Variants in ZSWIM5 observed in about 807,000 individuals in gnomAD.
ZSWIM5 encodes the protein zinc finger SWIM domain-containing protein 5.
A neutral mutation model predicts 119.6 loss-of-function variants in ZSWIM5; 55 were observed. That is an observed-to-expected ratio of 0.46 (90% CI 0.37 to 0.58). The LOEUF is 0.58. Among genes scored for constraint, ZSWIM5 ranks in the 20% least tolerant of loss-of-function variants. The probability of loss-of-function intolerance (pLI) is 0.00; values close to 1 mark genes in which losing one functional copy is unlikely to be tolerated. For missense variants in ZSWIM5, 1,193 were observed against 1,512.8 expected, an observed-to-expected ratio of 0.79 and a Z score of 3.51; for synonymous variants, 537 against 606.9, an observed-to-expected ratio of 0.88 and a Z score of 1.69.
chr1:45,157,496 A>G (rs1645833741), intron 1 of ZSWIM5, among the ~76,000 whole-genome samples: 1 of 152,156 alleles, frequency 6.6e-6, no homozygotes, highest in Non-Finnish European at 1.5e-5. Context: ...TTTGAGATAC[A>G]TTCATGTTCT....
chr1:45,105,620 C>A (rs1461787003), intron 1 of ZSWIM5, among the ~76,000 whole-genome samples: 1 of 141,572 alleles, frequency 7.1e-6, no homozygotes, highest in Non-Finnish European at 1.5e-5. Context: ...GTGAGGAGCG[C>A]CTCTGCCCGG....
At chr1:45,061,549 T>G (rs867721293) in intron 2 of ZSWIM5, among the ~76,000 whole-genome samples, 1 of 151,720 alleles carries the variant, frequency 6.6e-6, no homozygotes, top group Non-Finnish European at 1.5e-5. Context: ...TTTTGTATTT[T>G]TGGCAGAGAT....
At chr1:45,091,501 A>AG (rs1191150369) in intron 1 of ZSWIM5, among the ~76,000 whole-genome samples, 4 of 151,462 alleles carry the variant, frequency 2.6e-5, no homozygotes, top group Admixed American at 6.6e-5. Flanking sequence ...TAAAAAAAAA[A>AG]AAAAAAAAAA....
intron 1 of ZSWIM5, among the ~76,000 whole-genome samples, chr1:45,190,824 C>T (rs1557794279): frequency 6.7e-6 from 1 of 148,386 alleles, no homozygotes; most frequent in Non-Finnish European, 1.5e-5. Context: ...AGGAAGAAAT[C>T]AAACTGCAAT....
At chr1:45,165,670 C>G (rs989485831) in intron 1 of ZSWIM5, among the ~76,000 whole-genome samples, 3 of 152,128 alleles carry the variant, frequency 2.0e-5, no homozygotes, top group Non-Finnish European at 4.4e-5. Flanking sequence ...AAAGTACCAT[C>G]AGAGAACACT....
intron 1 of ZSWIM5, among the ~76,000 whole-genome samples, chr1:45,105,409 C>T (rs920660207): frequency 6.6e-6 from 1 of 151,756 alleles, no homozygotes; most frequent in Non-Finnish European, 1.5e-5. Flanking sequence ...CCCGGCCGCC[C>T]ATCGTCTGGG....
chr1:45,074,144 T>C (rs1645241915), intron 2 of ZSWIM5, among the ~76,000 whole-genome samples: 1 of 152,024 alleles, frequency 6.6e-6, no homozygotes. Context: ...TAGTATTTTG[T>C]TGAGGATTTT....
At chr1:45,139,485 T>A (rs2149033721) in intron 1 of ZSWIM5, among the ~76,000 whole-genome samples, 1 of 143,206 alleles carries the variant, frequency 7.0e-6, no homozygotes, top group South Asian at 2.4e-4. Flanking sequence ...TTTTTTTTTT[T>A]TTTTTGTAGA....
intron 1 of ZSWIM5, among the ~76,000 whole-genome samples, chr1:45,127,226 T>C (rs1645626879): frequency 6.6e-6 from 1 of 152,134 alleles, no homozygotes; most frequent in African/African-American, 2.4e-5. Context: ...AATCAACTAA[T>C]GCGCTCCATC....
chr1:45,072,370 T>G lies in ZSWIM5; in HGVS notation c.953-12123A>C, dbSNP rs112403924. 0.021 allele frequency among the ~76,000 whole-genome samples: 3,168 copies of G among 152,034 alleles called. 156 individuals are homozygous for G. The highest frequency in any genetic ancestry group is 0.073 in the African/African-American group (3,023 of 41,296). On this transcript the variant is annotated intron_variant, in intron 2 of 13. Transcript: ENST00000359600. The surrounding 1 kb of genome is among the most constrained non-coding windows in gnomAD (Gnocchi z 4.1). ...GCTAATATTTTCTCCCATTCTGTGG[T>G]TTGTCTCTTCACTTTGTCAATTATT...
At chr1:45,159,103 G>A (rs1480542126) in intron 1 of ZSWIM5, among the ~76,000 whole-genome samples, 1 of 151,898 alleles carries the variant, frequency 6.6e-6, no homozygotes, top group Non-Finnish European at 1.5e-5. Context: ...ATTTTAAAAA[G>A]CTTAACCTAA....
At position 45,017,364 on chromosome 1, in the gene ZSWIM5, A is replaced by G. The variant is rs1644860399; in HGVS notation, c.*1090T>C. 6.6e-6 allele frequency: 1 copy of G among 152,264 alleles called. No homozygotes were observed. Among genetic ancestry groups the G allele is most frequent in the Non-Finnish European group, 1.5e-5 (1 of 68,048 alleles). The allele number at this position is 152,264 out of a possible 1,614,324, so 9.4% of individuals were successfully genotyped here. On this transcript the variant is annotated 3_prime_UTR_variant, in exon 14 of 14. Transcript: ENST00000359600. Reference sequence around the variant, plus strand: ...ACTCGTGTACGCAGATACACATACTAAACATGCACAAACATGAGTGCATTT... The same window carrying G: ...ACTCGTGTACGCAGATACACATACTGAACATGCACAAACATGAGTGCATTT...
chr1:45,106,291 G>A (rs556746373), intron 1 of ZSWIM5, among the ~76,000 whole-genome samples: 119 of 145,238 alleles, frequency 8.2e-4, no homozygotes, highest in African/African-American at 2.8e-3. Context: ...GGTGGGGAGC[G>A]CCTCTGCCTG....
intron 1 of ZSWIM5, among the ~76,000 whole-genome samples, chr1:45,131,329 T>TA (rs1414975028): frequency 1.3e-5 from 2 of 152,144 alleles, no homozygotes; most frequent in Admixed American, 1.3e-4. Flanking sequence ...AAAAGTTTAA[T>TA]AAAAAACATA....
intron 1 of ZSWIM5, among the ~76,000 whole-genome samples, chr1:45,172,901 T>G (rs1321951148): frequency 1.3e-5 from 2 of 152,132 alleles, no homozygotes; most frequent in African/African-American, 4.8e-5. Flanking sequence ...ATTGTGCTCA[T>G]GCCTATAATC....
chr1:45,122,038 C>G (rs1645596335), intron 1 of ZSWIM5, among the ~76,000 whole-genome samples: 1 of 152,196 alleles, frequency 6.6e-6, no homozygotes, highest in Admixed American at 6.5e-5. Context: ...CTCTGCTAAC[C>G]TGTTTGGCAC....
At chr1:45,063,564 T>C (rs1195423701) in intron 2 of ZSWIM5, among the ~76,000 whole-genome samples, 1 of 152,216 alleles carries the variant, frequency 6.6e-6, no homozygotes, top group Non-Finnish European at 1.5e-5. Flanking sequence ...CCAGAAAGAC[T>C]GTTCCCAGAA....
chr1:45,054,845 T>G (rs901015386), intron 4 of ZSWIM5, among the ~76,000 whole-genome samples: 1 of 152,046 alleles, frequency 6.6e-6, no homozygotes, highest in Non-Finnish European at 1.5e-5. Context: ...TCTTGAGCAA[T>G]GATGGAGTCT....
At chr1:45,182,525 A>G (rs988853824) in intron 1 of ZSWIM5, among the ~76,000 whole-genome samples, 2 of 152,204 alleles carry the variant, frequency 1.3e-5, no homozygotes, top group Non-Finnish European at 2.9e-5. Context: ...AGAGACACAC[A>G]TAGGCTCAAA....
Sources: allele counts gnomAD v4.1 joint callset (sites outside exome capture counted in the v4.1 genomes callset), GRCh38; gene constraint gnomAD v4.1.1; non-coding constraint Gnocchi (gnomAD v3.1); transcripts MANE v1.5; gene names NCBI Gene and HGNC (gene_info 2026-07-23, HGNC 2026-07-21).